IGSF21: variants seen among roughly 807,000 people sequenced by gnomAD.
IGSF21 encodes the protein immunoglobulin superfamily member 21.
IGSF21 carries 28 observed loss-of-function variants against 46.8 expected under a neutral mutation model. The observed-to-expected ratio is 0.60, with a 90% CI of 0.44 to 0.82. IGSF21 has a LOEUF of 0.82. IGSF21 is among the 40% of genes least tolerant of loss of function. The pLI, the probability that IGSF21 is intolerant of heterozygous loss-of-function variation, is 0.00. For synonymous variants in IGSF21, 284 were observed against 273.6 expected (o/e 1.04, Z -0.38); for missense variants, 624 against 665.5 (o/e 0.94, Z 0.69).
intron 4 of IGSF21, among the ~76,000 whole-genome samples, chr1:18,346,021 A>G (rs2085889912): frequency 6.6e-6 from 1 of 152,190 alleles, no homozygotes; most frequent in African/African-American, 2.4e-5. Flanking sequence ...AATGTAACAG[A>G]CAAGTGAAGG....
rs1557651741 is a variant in IGSF21, at chr1:18,341,005, C to CTT, written c.424+5995_424+5996insTT. ...TTCTCCTTCTTCTTCTCCTCCTCCTCCTTCTTCTCTTCTTCTTCTTCTTCT... is the reference window on the plus strand; with the variant it reads ...TTCTCCTTCTTCTTCTCCTCCTCCTCTTCTTCTTCTCTTCTTCTTCTTCTTCT... On this transcript the variant is annotated intron_variant, in intron 4 of 9. Coordinates refer to ENST00000251296, the MANE Select transcript of IGSF21 (RefSeq NM_032880.5). Among the ~76,000 whole-genome samples, 5 of 111,546 alleles carry CTT rather than the reference C, an allele frequency of 4.5e-5. No homozygotes were observed. In the South Asian group the frequency reaches 1.1e-3, roughly 25 times the overall value. The allele number at this position is 111,546 out of a possible 152,430, so 73.2% of individuals were successfully genotyped here. A position where few individuals can be genotyped will look rare whatever the true frequency, so the allele number is the denominator to read the frequency against.
chr1:18,377,503 C>A, intron 9 of IGSF21, 72 bp downstream of exon 9: 2 of 1,222,262 alleles, frequency 1.6e-6, no homozygotes, highest in South Asian at 1.2e-5. Flanking sequence ...CTCTGGTCCC[C>A]CAAACTTCCC....
chr1:18,162,737 G>A (rs147377660), intron 1 of IGSF21, among the ~76,000 whole-genome samples: 7 of 152,298 alleles, frequency 4.6e-5, no homozygotes, highest in Non-Finnish European at 7.3e-5. Context: ...GGGACATAGC[G>A]TGGGGCCTGA....
At chr1:18,317,575 C>A (rs184992073) in intron 3 of IGSF21, among the ~76,000 whole-genome samples, 1 of 152,154 alleles carries the variant, frequency 6.6e-6, no homozygotes, top group African/African-American at 2.4e-5. Flanking sequence ...TGTCAAGAGC[C>A]GCATCTATGC....
chr1:18,206,548 C>CA (rs1182210491), intron 1 of IGSF21, among the ~76,000 whole-genome samples: 1,218 of 78,714 alleles, frequency 0.015, 13 homozygotes, highest in Middle Eastern at 0.056. Context: ...GACCCCGTCT[C>CA]AAAAAAAAAA....
chr1:18,278,741 A>G (rs937453434), intron 2 of IGSF21: 13 of 437,062 alleles, frequency 3.0e-5, no homozygotes, highest in African/African-American at 2.7e-4. Flanking sequence ...TTTTTTGTAG[A>G]GATGGGGTTT....
intron 1 of IGSF21, among the ~76,000 whole-genome samples, chr1:18,224,959 G>A (rs2084546660): frequency 6.6e-6 from 1 of 151,874 alleles, no homozygotes; most frequent in Admixed American, 6.6e-5. Flanking sequence ...CAGCTACTCA[G>A]GAGGCTGAGG....
At chr1:18,149,550 T>C (rs1193111607) in intron 1 of IGSF21, among the ~76,000 whole-genome samples, 3 of 151,788 alleles carry the variant, frequency 2.0e-5, no homozygotes, top group African/African-American at 4.8e-5. Flanking sequence ...CAGCAAGACC[T>C]GCCTCCCCAG....
Position 18,273,517 on chromosome 1 carries a change from T to C in IGSF21, c.184-18349T>C, listed in dbSNP as rs186010057. Among the ~76,000 whole-genome samples, 149 of 99,260 alleles carry C rather than the reference T, an allele frequency of 1.5e-3. 12 individuals carry two copies. The highest frequency in any genetic ancestry group is 4.5e-3 in the African/African-American group (110 of 24,674). 65.1% of individuals were successfully genotyped at this position (99,260 alleles called of 152,430 possible). A position where few individuals can be genotyped will look rare whatever the true frequency, so the allele number is the denominator to read the frequency against. ...CTTTCTTTCTTTCTTTCTTTCTTTC[T>C]TTCGTCTTTCTTTACTTTTTTTTTT... is the stretch of plus-strand genomic sequence containing the variant. On this transcript the variant is annotated intron_variant, in intron 2 of 9. Coordinates refer to ENST00000251296, the MANE Select transcript of IGSF21 (RefSeq NM_032880.5).
At chr1:18,237,384 G>A (rs573205958) in intron 2 of IGSF21, among the ~76,000 whole-genome samples, 1 of 152,272 alleles carries the variant, frequency 6.6e-6, no homozygotes, top group Non-Finnish European at 1.5e-5. Flanking sequence ...CCGTCCAGTT[G>A]CCCATCATCA....
At chr1:18,164,042 C>T (rs1486483215) in intron 1 of IGSF21, among the ~76,000 whole-genome samples, 1 of 152,190 alleles carries the variant, frequency 6.6e-6, no homozygotes, top group Non-Finnish European at 1.5e-5. Context: ...TGGGAGACTG[C>T]CCAGTGGCTG....
chr1:18,205,713 G>A (rs377018902), intron 1 of IGSF21, among the ~76,000 whole-genome samples: 66 of 152,312 alleles, frequency 4.3e-4, no homozygotes, highest in Middle Eastern at 3.4e-3. Context: ...TGGGACTAAG[G>A]TGATCTATAT....
rs182557413 is a variant in IGSF21, at chr1:18,252,871, G to A, written c.183+24861G>A. ...AACTTTAGACTTCCCTTTTAGAAAA[G>A]AAAGCTAATGATGCCAGCCTCGCCA... On this transcript the variant is annotated intron_variant, in intron 2 of 9. Coordinates refer to ENST00000251296, the MANE Select transcript of IGSF21 (RefSeq NM_032880.5). Among the ~76,000 whole-genome samples the A allele has an allele frequency of 3.3e-3, 506 of 152,292 alleles. 3 individuals carry two copies. Among genetic ancestry groups the A allele is most frequent in the African/African-American group, 0.012 (484 of 41,552 alleles).
chr1:18,291,790 T>G (rs2085269454), intron 2 of IGSF21, 76 bp from the exon 3 acceptor site: 1 of 1,561,836 alleles, frequency 6.4e-7, no homozygotes, highest in Non-Finnish European at 8.7e-7. Context: ...GCCTGCATCT[T>G]GTCAGTGTCC....
intron 6 of IGSF21, among the ~76,000 whole-genome samples, chr1:18,369,585 A>G (rs1354977431): frequency 1.3e-5 from 2 of 152,176 alleles, no homozygotes; most frequent in African/African-American, 2.4e-5. Flanking sequence ...TGAGCCAAAG[A>G]GTCGTGAGTG....
chr1:18,118,479 A>T (rs1363305692), intron 1 of IGSF21, among the ~76,000 whole-genome samples: 2 of 152,188 alleles, frequency 1.3e-5, no homozygotes, highest in Admixed American at 6.5e-5. Flanking sequence ...GGGTATTCAG[A>T]CCATACAACA....
At chr1:18,161,907 G>A (rs559184645) in intron 1 of IGSF21, among the ~76,000 whole-genome samples, 15 of 152,204 alleles carry the variant, frequency 9.9e-5, no homozygotes, top group African/African-American at 2.6e-4. Context: ...GGCACTTAAC[G>A]TCTCTGAGCC....
At chr1:18,133,934 G>T (rs965649539) in intron 1 of IGSF21, among the ~76,000 whole-genome samples, 3 of 152,174 alleles carry the variant, frequency 2.0e-5, no homozygotes, top group Admixed American at 6.5e-5. Context: ...AGAATAATAA[G>T]AATATTTACT....
chr1:18,339,561 G>A (rs1448096738), intron 4 of IGSF21, among the ~76,000 whole-genome samples: 1 of 152,072 alleles, frequency 6.6e-6, no homozygotes, highest in Non-Finnish European at 1.5e-5. Flanking sequence ...GCGAAATCCC[G>A]TTTCTACAAA....
Sources: allele counts gnomAD v4.1 joint callset (sites outside exome capture counted in the v4.1 genomes callset), GRCh38; gene constraint gnomAD v4.1.1; transcripts MANE v1.5; gene names NCBI Gene and HGNC (gene_info 2026-07-23, HGNC 2026-07-21).